The following ANK3 variants were observed in gnomAD, a reference collection of about 807,000 sequenced individuals.
ANK3 encodes ankyrin 3, also known as ankyrin-3.
In ANK3, 57 loss-of-function variants were observed where a neutral mutation model predicts 370.9. That is an observed-to-expected ratio of 0.15 (90% confidence interval 0.12 to 0.19). ANK3 has a LOEUF of 0.19. Among genes scored for constraint, ANK3 ranks in the 10% least tolerant of loss-of-function variants. The pLI, the probability that ANK3 is intolerant of heterozygous loss-of-function variation, is 1.00. For missense variants in ANK3, 4,439 were observed against 5,302.1 expected (o/e 0.84, Z 5.06); for synonymous variants, 1,929 against 1,946.3 (o/e 0.99, Z 0.23).
intron 43 of ANK3, among the ~76,000 whole-genome samples, chr10:60,040,285 GTTTTC>G (rs2075852444): frequency 6.6e-6 from 1 of 150,834 alleles, no homozygotes; most frequent in Non-Finnish European, 1.5e-5. Context: ...TACTTGCTTA[GTTTTC>G]TTTTTTTTTT....
chr10:60,383,902 A>G (rs569866842), intron 1 of ANK3, among the ~76,000 whole-genome samples: 1 of 152,332 alleles, frequency 6.6e-6, no homozygotes, highest in South Asian at 2.1e-4. Flanking sequence ...AAATAACAGT[A>G]TAGTTCATGT....
intron 2 of ANK3, among the ~76,000 whole-genome samples, chr10:60,445,522 T>C (rs572020499): frequency 6.6e-6 from 1 of 152,188 alleles, no homozygotes; most frequent in African/African-American, 2.4e-5. Flanking sequence ...TAGTCAATCT[T>C]TAGTTTGTCT....
At chr10:60,302,040 A>T (rs79186648) in intron 1 of ANK3, among the ~76,000 whole-genome samples, 3,844 of 152,300 alleles carry the variant, frequency 0.025, 86 homozygotes, top group Non-Finnish European at 0.035. Flanking sequence ...AGTGCCAGAC[A>T]TTATTCTAGG....
At chr10:60,279,740 T>G (rs2098135113) in intron 1 of ANK3, 101 bp from the exon 2 acceptor site, 1 of 848,468 alleles carries the variant, frequency 1.2e-6, no homozygotes, top group African/African-American at 1.8e-5. Context: ...TGAACTCTTT[T>G]ATTTCTAACA....
exon 2 of ANK3, chr10:60,615,216 A>G (rs781299652): frequency 1.3e-5 from 20 of 1,519,620 alleles, no homozygotes; most frequent in Non-Finnish European, 1.7e-5. Flanking sequence ...AATCTGATCC[A>G]AAGCCACCCT....
At chr10:60,621,608 C>T (rs1370445744) in intron 1 of ANK3, among the ~76,000 whole-genome samples, 1 of 152,166 alleles carries the variant, frequency 6.6e-6, no homozygotes, top group East Asian at 1.9e-4. Context: ...TCATCATCCA[C>T]TTGTTGAACT....
chr10:60,658,337 G>T (rs570923329), intron 1 of ANK3, among the ~76,000 whole-genome samples: 6 of 151,516 alleles, frequency 4.0e-5, no homozygotes, highest in African/African-American at 1.5e-4. Flanking sequence ...GCTTTCTGCT[G>T]TATCTCTTCA....
chr10:60,265,691 T>G (rs556066815), intron 5 of ANK3, among the ~76,000 whole-genome samples: 107 of 152,256 alleles, frequency 7.0e-4, no homozygotes, highest in African/African-American at 2.2e-3. Flanking sequence ...TAGGAGCACA[T>G]ATGCACCAAG....
chr10:60,697,997 C>T (rs1255182823), intron 1 of ANK3, among the ~76,000 whole-genome samples: 1 of 152,014 alleles, frequency 6.6e-6, no homozygotes, highest in Non-Finnish European at 1.5e-5. Context: ...ATTTTCACAA[C>T]CTACTCATCT....
intron 1 of ANK3, among the ~76,000 whole-genome samples, chr10:60,671,380 T>C (rs1451031071): frequency 6.6e-6 from 1 of 152,222 alleles, no homozygotes; most frequent in Non-Finnish European, 1.5e-5. Flanking sequence ...GTGACTGGTT[T>C]TTAACTCATC....
chr10:60,076,709 T>C (rs2083920707), intron 36 of ANK3, among the ~76,000 whole-genome samples: 1 of 151,816 alleles, frequency 6.6e-6, no homozygotes, highest in Non-Finnish European at 1.5e-5. Flanking sequence ...AAAAAGCACA[T>C]TGCAACCAAA....
intron 2 of ANK3, among the ~76,000 whole-genome samples, chr10:60,570,058 C>T (rs1353223274): frequency 1.3e-5 from 2 of 152,024 alleles, no homozygotes; most frequent in Admixed American, 1.3e-4. Flanking sequence ...ATATTGTATC[C>T]TTTTTCCAGA....
At chr10:60,659,564 A>G (rs1350220137) in intron 1 of ANK3, among the ~76,000 whole-genome samples, 2 of 152,178 alleles carry the variant, frequency 1.3e-5, no homozygotes, top group African/African-American at 2.4e-5. Flanking sequence ...ACTCAAAGAT[A>G]CATAATTGTT....
At chr10:60,091,122 C>T (rs1210142136) in intron 28 of ANK3, among the ~76,000 whole-genome samples, 1 of 152,210 alleles carries the variant, frequency 6.6e-6, no homozygotes, top group East Asian at 1.9e-4. Context: ...CCAGCCTGGT[C>T]TCAAACTCCT....
intron 1 of ANK3, among the ~76,000 whole-genome samples, chr10:60,664,611 G>T (rs944665248): frequency 2.0e-5 from 3 of 152,220 alleles, no homozygotes; most frequent in Admixed American, 2.0e-4. Flanking sequence ...GTTAGCAGAA[G>T]GCTCATGAGT....
At chr10:60,640,950 A>G (rs2078623875) in intron 1 of ANK3, among the ~76,000 whole-genome samples, 1 of 108,750 alleles carries the variant, frequency 9.2e-6, no homozygotes, top group South Asian at 4.4e-4. Flanking sequence ...TACAAAATCA[A>G]TGTACAAAAA....
intron 2 of ANK3, among the ~76,000 whole-genome samples, chr10:60,420,344 C>T (rs911066269): frequency 2.6e-5 from 4 of 152,100 alleles, no homozygotes; most frequent in East Asian, 3.9e-4. Context: ...CACTGACCCA[C>T]GTTGAGAGCC....
intron 1 of ANK3, among the ~76,000 whole-genome samples, chr10:60,733,102 G>A (rs1040497891): frequency 6.6e-6 from 1 of 151,898 alleles, no homozygotes; most frequent in African/African-American, 2.4e-5. Flanking sequence ...CGCAGGAACC[G>A]GGTCCCCTCC....
chr10:60,181,549 C>A (rs999592375), intron 17 of ANK3, 122 bp from the exon 18 acceptor site: 28 of 925,144 alleles, frequency 3.0e-5, no homozygotes, highest in Non-Finnish European at 4.6e-5. Flanking sequence ...TTAGAAAAAA[C>A]CTATGGAATA....
Sources: gnomAD v4.1 joint callset for allele counts (sites outside exome capture counted in the v4.1 genomes callset) on GRCh38, gnomAD v4.1.1 for gene constraint, MANE v1.5 for transcripts, NCBI Gene and HGNC (gene_info 2026-07-23, HGNC 2026-07-21) for gene names.